The following AKAP6 variants were observed in gnomAD, a reference collection of about 807,000 sequenced individuals.
AKAP6 encodes A-kinase anchor protein 6.
In AKAP6, 58 loss-of-function variants were observed where a neutral mutation model predicts 188.5. That is an observed-to-expected ratio of 0.31 (90% CI 0.25 to 0.38). AKAP6 has a LOEUF of 0.38. Among genes scored for constraint, AKAP6 ranks in the 10% least tolerant of loss-of-function variants. The pLI is 1.00. For missense variants in AKAP6, 2,710 were observed against 2,740.0 expected, an observed-to-expected ratio of 0.99 and a Z score of 0.24; for synonymous variants, 989 against 998.6, an observed-to-expected ratio of 0.99 and a Z score of 0.18.
intron 1 of AKAP6, among the ~76,000 whole-genome samples, chr14:32,416,655 A>G (rs1412563467): frequency 6.6e-6 from 1 of 151,996 alleles, no homozygotes; most frequent in Non-Finnish European, 1.5e-5. Context: ...CCCGGGTTCA[A>G]GTGATTCTCC....
At chr14:32,501,809 C>T (rs1880622186) in intron 2 of AKAP6, among the ~76,000 whole-genome samples, 1 of 152,168 alleles carries the variant, frequency 6.6e-6, no homozygotes, top group South Asian at 2.1e-4. Flanking sequence ...TCCCCTTTAA[C>T]TCTGTGCATG....
chr14:32,817,732 A>G (rs1295860911), intron 12 of AKAP6, among the ~76,000 whole-genome samples: 1 of 152,160 alleles, frequency 6.6e-6, no homozygotes, highest in Non-Finnish European at 1.5e-5. Context: ...CACTATATCA[A>G]AGACAGGAAC....
chr14:32,628,981 C>T lies in AKAP6; in HGVS notation c.2730+28189C>T, dbSNP rs189534722. Among the ~76,000 whole-genome samples, 339 of 152,180 alleles carry T rather than the reference C, an allele frequency of 2.2e-3. 2 individuals carry two copies. The highest frequency in any genetic ancestry group is 0.01 in the Admixed American group (157 of 15,274). On this transcript the variant is annotated intron_variant, in intron 7 of 13. Transcript: ENST00000280979. Reference sequence around the variant, plus strand: ...TTTTCTAAATAAAAATAACCACCCACCTGCAGTCAGATCTCTTAGAGAAAT... The same window carrying T: ...TTTTCTAAATAAAAATAACCACCCATCTGCAGTCAGATCTCTTAGAGAAAT...
intron 2 of AKAP6, among the ~76,000 whole-genome samples, chr14:32,458,735 T>C (rs1358403111): frequency 6.6e-6 from 1 of 151,948 alleles, no homozygotes; most frequent in African/African-American, 2.4e-5. Context: ...ATAGAAGCTA[T>C]GAAATAAAAA....
chr14:32,552,003 T>C (rs541900066), intron 4 of AKAP6, among the ~76,000 whole-genome samples: 41 of 152,168 alleles, frequency 2.7e-4, no homozygotes, highest in Non-Finnish European at 5.3e-4. Flanking sequence ...TAATGTAGTA[T>C]ATTTATTATT....
At position 32,820,801 on chromosome 14, in the gene AKAP6, A is replaced by G. The variant is rs75226301; in HGVS notation, c.3589-601A>G. The stretch of plus-strand genomic sequence containing the variant: ...GATTGGGAGCAGGGCCACAGTCTGA[A>G]AAGACAGATCCCTGAATAGGAACAC... On this transcript the variant is annotated intron_variant, in intron 12 of 13. Transcript: ENST00000280979. 1.3e-3 allele frequency among the ~76,000 whole-genome samples: 194 copies of G among 152,294 alleles called. 3 individuals are homozygous for G. In the East Asian group the frequency reaches 0.034, roughly 26 times the overall value.
intron 7 of AKAP6, among the ~76,000 whole-genome samples, chr14:32,612,492 T>C (rs1886389680): frequency 6.6e-6 from 1 of 152,194 alleles, no homozygotes. Flanking sequence ...CACAATCCCA[T>C]CTTAACATCT....
At chr14:32,795,659 T>TAATAA (rs1555363325) in intron 12 of AKAP6, among the ~76,000 whole-genome samples, 1 of 152,056 alleles carries the variant, frequency 6.6e-6, no homozygotes. Context: ...TAAGAGCCAT[T>TAATAA]TATGACAAAT....
Position 32,823,420 on chromosome 14 carries a change from C to T in AKAP6, c.5607C>T (p.Thr1869=), listed in dbSNP as rs1438148026. 8 of 1,613,460 alleles carry T rather than the reference C, an allele frequency of 5.0e-6. No individual in the cohort carries two copies. The East Asian group carries it at 1.6e-4, about 31-fold the overall frequency. ...GAAATGGTAAGAATTCATCTCATAC[C>T]CATGAGTTAGGGACAAAGCGTGAAA... The part of the protein sequence containing the change: ...NNGNGKNSSH[T]HELGTKRENK... The change falls in exon 13 of 14, where the codon ACC becomes ACT. Residue 1869 remains threonine (T), a synonymous_variant. Coordinates refer to ENST00000280979, the MANE Select transcript of AKAP6 (RefSeq NM_004274.5).
intron 5 of AKAP6, among the ~76,000 whole-genome samples, chr14:32,585,870 C>T (rs772176024): frequency 4.6e-5 from 7 of 151,904 alleles, no homozygotes; most frequent in African/African-American, 7.3e-5. Flanking sequence ...TATGGTGAGC[C>T]ATGTGGTGTA....
chr14:32,563,489 G>A (rs2139215338), intron 4 of AKAP6, among the ~76,000 whole-genome samples: 2 of 152,280 alleles, frequency 1.3e-5, no homozygotes, highest in East Asian at 3.9e-4. Flanking sequence ...TATTAGTACT[G>A]TGGGGGGGGA....
intron 1 of AKAP6, among the ~76,000 whole-genome samples, chr14:32,335,339 A>G (rs1304597296): frequency 6.6e-6 from 1 of 152,162 alleles, no homozygotes; most frequent in Non-Finnish European, 1.5e-5. Flanking sequence ...TTTATTTTAC[A>G]GTGGACCTTA....
chr14:32,692,304 C>A (rs1429106893), intron 8 of AKAP6, among the ~76,000 whole-genome samples: 1 of 151,982 alleles, frequency 6.6e-6, no homozygotes, highest in Non-Finnish European at 1.5e-5. Flanking sequence ...TGCTAAAAAG[C>A]CAGTGAAAAA....
At chr14:32,435,328 T>TA (rs34393545) in intron 2 of AKAP6, among the ~76,000 whole-genome samples, 3,991 of 152,062 alleles carry the variant, frequency 0.026, 60 homozygotes, top group East Asian at 0.079. Flanking sequence ...GAAGTCTCAG[T>TA]AAAAAAAATG....
At chr14:32,466,846 T>TATATAATATA (rs879653303) in intron 2 of AKAP6, among the ~76,000 whole-genome samples, 2 of 142,636 alleles carry the variant, frequency 1.4e-5, no homozygotes, top group Admixed American at 1.4e-4. Context: ...TATATATATA[T>TATATAATATA]TTTCTTTCTT....
chr14:32,658,195 A>G (rs1336736479), intron 7 of AKAP6, among the ~76,000 whole-genome samples: 2 of 152,120 alleles, frequency 1.3e-5, no homozygotes, highest in Non-Finnish European at 2.9e-5. Context: ...TTTATTACAT[A>G]TAAGGAAGAC....
rs1366954944 is a variant in AKAP6, at chr14:32,522,792, G to A, written c.325-12762G>A. 1.2e-4 allele frequency among the ~76,000 whole-genome samples: 19 copies of A among 152,210 alleles called. No individual in the cohort carries two copies. The East Asian group carries it at 3.5e-3, about 28-fold the overall frequency. ...TGGAAGACAGTGTGGCGATTCCTCG[G>A]GGATCTAGAACTAGAAATACCATTT... On this transcript the variant is annotated intron_variant, in intron 2 of 13. Transcript: ENST00000280979.
chr14:32,470,263 C>G (rs1294663593), intron 2 of AKAP6, among the ~76,000 whole-genome samples: 1 of 152,136 alleles, frequency 6.6e-6, no homozygotes, highest in African/African-American at 2.4e-5. Flanking sequence ...TGCATTTTAA[C>G]AAGATCCCCA....
At chr14:32,659,233 G>A (rs1412006163) in intron 7 of AKAP6, among the ~76,000 whole-genome samples, 2 of 152,124 alleles carry the variant, frequency 1.3e-5, no homozygotes, top group Non-Finnish European at 2.9e-5. Flanking sequence ...TAAAAGATTG[G>A]CGTTTTCATT....
Sources: allele counts gnomAD v4.1 joint callset (sites outside exome capture counted in the v4.1 genomes callset), GRCh38; gene constraint gnomAD v4.1.1; transcripts MANE v1.5; gene names NCBI Gene and HGNC (gene_info 2026-07-23, HGNC 2026-07-21).